Variants in GMDS observed in about 807,000 individuals in gnomAD.
GMDS encodes GDP-mannose 4,6-dehydratase, also known as GDP-mannose 4,6 dehydratase.
A neutral mutation model predicts 49.9 loss-of-function variants in GMDS; 20 were observed. That is an observed-to-expected ratio of 0.40 (90% CI 0.28 to 0.58). GMDS has a LOEUF of 0.58. Among genes scored for constraint, GMDS ranks in the 20% least tolerant of loss-of-function variants. The pLI, the probability that GMDS is intolerant of heterozygous loss-of-function variation, is 0.42. For missense variants in GMDS, 362 were observed against 481.4 expected (o/e 0.75, Z 2.32); for synonymous variants, 177 against 178.6 (o/e 0.99, Z 0.07).
Position 2,136,951 on chromosome 6 carries a change from G to A in GMDS, c.103-12220C>T, listed in dbSNP as rs115191563. On this transcript the variant is annotated intron_variant, in intron 1 of 10. Coordinates refer to ENST00000380815, the MANE Select transcript of GMDS (RefSeq NM_001500.4). ...AAAGAAAAACTGATTTGACTTTGAA[G>A]TATAAGCATATCAGTTTCAAATCCA... 5.7e-3 allele frequency among the ~76,000 whole-genome samples: 854 copies of A among 150,542 alleles called. 2 individuals are homozygous for A. The highest frequency in any genetic ancestry group is 0.017 in the Middle Eastern group (5 of 288).
At chr6:2,078,755 G>A (rs1772494830) in intron 4 of GMDS, among the ~76,000 whole-genome samples, 1 of 152,028 alleles carries the variant, frequency 6.6e-6, no homozygotes, top group Admixed American at 6.6e-5. Context: ...AAAATGTTCT[G>A]TAAATATCTG....
chr6:1,893,186 T>C (rs117707931), intron 7 of GMDS, among the ~76,000 whole-genome samples: 1 of 147,388 alleles, frequency 6.8e-6, no homozygotes, highest in East Asian at 2.0e-4. Context: ...CTCTGGTTTT[T>C]TGTTTTCTTT....
intron 1 of GMDS, among the ~76,000 whole-genome samples, chr6:2,190,123 C>A (rs1330017335): frequency 2.0e-5 from 3 of 152,002 alleles, no homozygotes; most frequent in African/African-American, 7.3e-5. Flanking sequence ...TAATAAAGTA[C>A]AAAATGCTTT....
intron 1 of GMDS, among the ~76,000 whole-genome samples, chr6:2,175,524 C>A (rs1581751670): frequency 6.6e-6 from 1 of 152,304 alleles, no homozygotes; most frequent in South Asian, 2.1e-4. Context: ...AAAAAGAGAG[C>A]AGCATTACTA....
chr6:1,631,628 C>T (rs1050002091), intron 9 of GMDS, among the ~76,000 whole-genome samples: 5 of 152,064 alleles, frequency 3.3e-5, no homozygotes, highest in Non-Finnish European at 7.4e-5. Context: ...CACCTCACTT[C>T]AATAATCCTT....
chr6:2,128,496 G>A (rs1775572249), intron 1 of GMDS, among the ~76,000 whole-genome samples: 1 of 152,118 alleles, frequency 6.6e-6, no homozygotes, highest in Non-Finnish European at 1.5e-5. Flanking sequence ...AAGCTAGGAA[G>A]GTGGGCAGAT....
chr6:2,119,917 T>C (rs1775049847), intron 2 of GMDS, among the ~76,000 whole-genome samples: 1 of 152,222 alleles, frequency 6.6e-6, no homozygotes, highest in African/African-American at 2.4e-5. Flanking sequence ...TTGATTTAAC[T>C]TCAAAATCCA....
At chr6:1,932,610 T>C (rs1172802590) in intron 6 of GMDS, among the ~76,000 whole-genome samples, 1 of 149,944 alleles carries the variant, frequency 6.7e-6, no homozygotes, top group Non-Finnish European at 1.5e-5. Flanking sequence ...CGATCTCGGC[T>C]CACTGCAAGC....
At chr6:2,029,262 C>A (rs900969772) in intron 4 of GMDS, among the ~76,000 whole-genome samples, 2 of 152,164 alleles carry the variant, frequency 1.3e-5, no homozygotes, top group Non-Finnish European at 2.9e-5. Context: ...TACACACACA[C>A]CCTAACCAGA....
chr6:2,221,683 C>T (rs1324966724), intron 1 of GMDS, among the ~76,000 whole-genome samples: 2 of 152,150 alleles, frequency 1.3e-5, no homozygotes, highest in Middle Eastern at 3.2e-3. Flanking sequence ...CCACCATGCC[C>T]GGCCTTAAAA....
intron 7 of GMDS, among the ~76,000 whole-genome samples, chr6:1,881,952 A>T (rs1416166445): frequency 3.3e-5 from 5 of 152,212 alleles, no homozygotes; most frequent in Non-Finnish European, 7.3e-5. Flanking sequence ...AGCTACAGTA[A>T]AACTCACAGA....
intron 7 of GMDS, among the ~76,000 whole-genome samples, chr6:1,887,651 G>A (rs2113834483): frequency 6.6e-6 from 1 of 152,170 alleles, no homozygotes; most frequent in Non-Finnish European, 1.5e-5. Flanking sequence ...ATTGTCATTA[G>A]CAAAAACAAA....
At chr6:1,901,139 G>A (rs1307428049) in intron 7 of GMDS, among the ~76,000 whole-genome samples, 8 of 152,236 alleles carry the variant, frequency 5.3e-5, no homozygotes, top group Admixed American at 4.6e-4. Flanking sequence ...GTGGCTCCCT[G>A]GTTCCGTGGC....
At chr6:2,072,119 G>GT (rs1165342899) in intron 4 of GMDS, among the ~76,000 whole-genome samples, 2 of 152,176 alleles carry the variant, frequency 1.3e-5, no homozygotes, top group Admixed American at 1.3e-4. Context: ...GTTTGTCTGT[G>GT]TAGGTGTTTG....
intron 7 of GMDS, among the ~76,000 whole-genome samples, chr6:1,802,260 C>T (rs528224794): frequency 6.6e-6 from 1 of 152,256 alleles, no homozygotes; most frequent in South Asian, 2.1e-4. Context: ...ATTTTGCAGA[C>T]ACCAGTTAGT....
At chr6:1,896,943 AG>A (rs1423815331) in intron 7 of GMDS, among the ~76,000 whole-genome samples, 13 of 152,208 alleles carry the variant, frequency 8.5e-5, no homozygotes, top group Non-Finnish European at 1.8e-4. Context: ...TTGGTGTTGT[AG>A]GGAAGACGAG....
rs111745800 is a variant in GMDS at position 1,846,224 on chromosome 6, T to A, written c.771+83879A>T. On this transcript the variant is annotated intron_variant, in intron 7 of 10. Transcript: ENST00000380815. Reference sequence around the variant, plus strand: ...CCTCCCACCACAGCCTCCCAAGTAGTGGGGGCTATAGGTGTGTGCCGCCAT... The same window carrying A: ...CCTCCCACCACAGCCTCCCAAGTAGAGGGGGCTATAGGTGTGTGCCGCCAT... Among the ~76,000 whole-genome samples, 1,156 of 151,724 alleles carry A rather than the reference T, an allele frequency of 7.6e-3. 13 individuals are homozygous for A. Among genetic ancestry groups the A allele is most frequent in the African/African-American group, 0.027 (1,116 of 41,380 alleles).
At chr6:1,827,101 TG>T (rs1771150441) in intron 7 of GMDS, among the ~76,000 whole-genome samples, 2 of 149,984 alleles carry the variant, frequency 1.3e-5, no homozygotes, top group South Asian at 4.2e-4. Context: ...TGTGTGTGTG[TG>T]TGTGTGTGTG....
intron 4 of GMDS, among the ~76,000 whole-genome samples, chr6:2,099,134 T>C (rs955854548): frequency 6.6e-6 from 1 of 152,272 alleles, no homozygotes; most frequent in Admixed American, 6.5e-5. Context: ...CATTATAAAC[T>C]CTCATTTAGC....
Sources: gnomAD v4.1 joint callset for allele counts (sites outside exome capture counted in the v4.1 genomes callset) on GRCh38, gnomAD v4.1.1 for gene constraint, MANE v1.5 for transcripts, NCBI Gene and HGNC (gene_info 2026-07-23, HGNC 2026-07-21) for gene names.